ATP11C: variants seen among roughly 807,000 people sequenced by gnomAD.
ATP11C encodes the protein phospholipid-transporting ATPase IG.
A neutral mutation model predicts 97.4 loss-of-function variants in ATP11C; 36 were observed. That is an observed-to-expected ratio of 0.37 (90% confidence interval 0.28 to 0.49). The LOEUF (loss-of-function observed/expected upper bound fraction) is 0.49. ATP11C is among the 20% of genes least tolerant of loss of function. The probability of loss-of-function intolerance (pLI) is 0.98; values close to 1 mark genes in which losing one functional copy is unlikely to be tolerated. For synonymous variants in ATP11C, 275 were observed against 290.9 expected (o/e 0.95, Z 0.56); for missense variants, 730 against 824.6 (o/e 0.89, Z 1.40).
chrX:139,893,411 C>A (rs2148077201), intron 1 of ATP11C, among the ~76,000 whole-genome samples: 1 of 111,752 alleles, frequency 8.9e-6, no homozygotes, highest in East Asian at 2.8e-4. Context: ...ACCTAGAAAT[C>A]TATTCATGTT....
chrX:139,766,541 A>G (rs1255795563), intron 20 of ATP11C, among the ~76,000 whole-genome samples: 3 of 111,823 alleles, frequency 2.7e-5, no homozygotes, highest in Non-Finnish European at 5.6e-5. Context: ...GTGGGGACTG[A>G]GAGCTAGAAG....
At chrX:139,813,382 G>T (rs1002622151) in intron 5 of ATP11C, among the ~76,000 whole-genome samples, 16 of 111,633 alleles carry the variant, frequency 1.4e-4, no homozygotes, top group African/African-American at 4.6e-4. Flanking sequence ...CTTACAAAAC[G>T]AAACATACTC....
Position 139,775,928 on chromosome X carries a change from C to A in ATP11C, c.1953-975G>T, listed in dbSNP as rs756879351. Among the ~76,000 whole-genome samples the A allele has an allele frequency of 2.7e-5, 3 of 112,734 alleles. No homozygotes were observed. The South Asian group carries it at 1.1e-3, about 41-fold the overall frequency. ...GATTCCCTGCAAATATACTCCAACC[C>A]GCTCTGACTTTGGCAAGCTCATGGG... On this transcript the variant is annotated intron_variant, in intron 18 of 29. Transcript: ENST00000682941.
chrX:139,893,170 C>T (rs1226512702), intron 1 of ATP11C, among the ~76,000 whole-genome samples: 2 of 111,837 alleles, frequency 1.8e-5, no homozygotes, highest in African/African-American at 6.5e-5. Context: ...TCTCGAGCAG[C>T]TGGGACTACA....
chrX:139,754,820 G>A (rs753031305), intron 23 of ATP11C, among the ~76,000 whole-genome samples: 2 of 111,695 alleles, frequency 1.8e-5, no homozygotes, highest in Admixed American at 1.9e-4. Flanking sequence ...CTCAACAAAC[G>A]AGGCACTGAA....
At chrX:139,853,651 CTGAGGCCA>C in intron 1 of ATP11C, among the ~76,000 whole-genome samples, 1 of 110,077 alleles carries the variant, frequency 9.1e-6, no homozygotes, top group African/African-American at 3.3e-5. Context: ...CCCGAAAGCA[CTGAGGCCA>C]TGGACAACCC....
intron 23 of ATP11C, among the ~76,000 whole-genome samples, chrX:139,752,116 T>G (rs1292425600): frequency 1.8e-5 from 2 of 111,717 alleles, no homozygotes; most frequent in Non-Finnish European, 3.8e-5. Context: ...TCGACGTTAT[T>G]CCTTCCCTTA....
intron 1 of ATP11C, among the ~76,000 whole-genome samples, chrX:139,915,342 T>C (rs2085138848): frequency 9.0e-6 from 1 of 111,586 alleles, no homozygotes; most frequent in African/African-American, 3.3e-5. Flanking sequence ...AAACAAGAAT[T>C]TGAAAAACAC....
intron 1 of ATP11C, 144 bp downstream of exon 1, chrX:139,931,872 G>T: frequency 2.6e-6 from 2 of 760,416 alleles, no homozygotes; most frequent in South Asian, 3.7e-5. Flanking sequence ...CCTGGGCACC[G>T]TGTTTCGGTG....
intron 1 of ATP11C, among the ~76,000 whole-genome samples, chrX:139,929,977 C>A (rs1280057369): frequency 3.6e-5 from 4 of 111,271 alleles, no homozygotes; most frequent in Non-Finnish European, 5.7e-5. Context: ...AATTCCTTGC[C>A]CTGGGCCTAG....
intron 1 of ATP11C, among the ~76,000 whole-genome samples, chrX:139,918,170 A>G (rs1379030463): frequency 9.0e-6 from 1 of 111,534 alleles, no homozygotes; most frequent in Non-Finnish European, 1.9e-5. Flanking sequence ...TTGAAAGCAC[A>G]ATCTCGAAGA....
At chrX:139,809,388 CATT>C (rs1187744438) in intron 5 of ATP11C, among the ~76,000 whole-genome samples, 1 of 112,071 alleles carries the variant, frequency 8.9e-6, no homozygotes, top group East Asian at 2.8e-4. Context: ...ACCTTGAAAA[CATT>C]ATGCTAAGTG....
Position 139,743,552 on chromosome X carries a change from A to C in ATP11C, c.3030+7T>G. 3.5e-6 allele frequency: 4 copies of C among 1,135,947 alleles called. No individual in the cohort carries two copies. Among genetic ancestry groups the C allele is most frequent in the East Asian group, 3.0e-5 (1 of 33,010 alleles). The allele number at this position is 1,135,947 out of a possible 1,213,427, so 93.6% of individuals were successfully genotyped here. A position where few individuals can be genotyped will look rare whatever the true frequency, so the allele number is the denominator to read the frequency against. On this transcript the variant is annotated splice_region_variant and intron_variant, in intron 26 of 29. Transcript: ENST00000682941. Reference sequence around the variant, plus strand: ...TTAAAAAATACATGAATAAGTAAAAATCTAACCTTCAGGGTTACAGTGAAT... The same window carrying C: ...TTAAAAAATACATGAATAAGTAAAACTCTAACCTTCAGGGTTACAGTGAAT...
chrX:139,902,814 C>T (rs1166763379), intron 1 of ATP11C, among the ~76,000 whole-genome samples: 1 of 111,791 alleles, frequency 8.9e-6, no homozygotes, highest in African/African-American at 3.3e-5. Flanking sequence ...TAGACCAGCA[C>T]AGTGACAATT....
intron 1 of ATP11C, among the ~76,000 whole-genome samples, chrX:139,860,143 A>G (rs1291567094): frequency 2.7e-5 from 3 of 110,408 alleles, no homozygotes; most frequent in Admixed American, 9.7e-5. Context: ...AAAGTGCTTA[A>G]CAAAAGAAAA....
At chrX:139,885,985 C>A (rs989709941) in intron 1 of ATP11C, among the ~76,000 whole-genome samples, 8 of 111,175 alleles carry the variant, frequency 7.2e-5, no homozygotes, top group Admixed American at 2.9e-4. Context: ...AGGGAATCCA[C>A]TCTTAACACT....
rs1166383481 is a variant in ATP11C, at chrX:139,741,084, T to C, written c.3041A>G (p.Asp1014Gly). The change falls in exon 27 of 30, where the codon GAT becomes GGT. Residue 1014 changes from aspartate (D) to glycine (G), a missense_variant. Physicochemically the swap from Asp to Gly is moderately conservative, Grantham distance 94. Coordinates refer to ENST00000682941, the MANE Select transcript of ATP11C (RefSeq NM_001353812.2). ...ATTTATCCACGTCCAGAATCGGGTA[T>C]CCAAGGCAAGCTGAAAAGATACAAC... is the stretch of plus-strand genomic sequence containing the variant. ...VFTVTLKLAL[D>G]TRFWTWINHF... 16 of 1,188,975 alleles carry C rather than the reference T, an allele frequency of 1.3e-5. No homozygotes were observed. The highest frequency in any genetic ancestry group is 1.7e-5 in the Non-Finnish European group (15 of 876,995).
Position 139,728,665 on chromosome X carries a change from T to A in ATP11C, c.*301A>T, listed in dbSNP as rs1245420001. ...TAAAAGAGCACCCATTTGAGTTATA[T>A]TACTCTAACTAAAGCCAGAATTCTA... On this transcript the variant is annotated 3_prime_UTR_variant, in exon 30 of 30. Coordinates refer to ENST00000682941, the MANE Select transcript of ATP11C (RefSeq NM_001353812.2). 3.3e-6 allele frequency: 1 copy of A among 306,682 alleles called. No individual in the cohort carries two copies. The highest frequency in any genetic ancestry group is 4.7e-5 in the East Asian group (1 of 21,374). The allele number at this position is 306,682 out of a possible 1,213,427, so 25.3% of individuals were successfully genotyped here.
At chrX:139,923,649 C>T (rs1300240667) in intron 1 of ATP11C, among the ~76,000 whole-genome samples, 1 of 112,089 alleles carries the variant, frequency 8.9e-6, no homozygotes, top group Non-Finnish European at 1.9e-5. Flanking sequence ...TAAAGAACGT[C>T]CCCACTGCTT....
Sources: allele counts gnomAD v4.1 joint callset (sites outside exome capture counted in the v4.1 genomes callset), GRCh38; gene constraint gnomAD v4.1.1; transcripts MANE v1.5; gene names NCBI Gene and HGNC (gene_info 2026-07-23, HGNC 2026-07-21).